The following RTL4 variants were observed in gnomAD, a reference collection of about 807,000 sequenced individuals.
RTL4 encodes retrotransposon Gag like 4.
In RTL4, 4 loss-of-function variants were observed where a neutral mutation model predicts 5.3. That is an observed-to-expected ratio of 0.75 (90% CI 0.37 to 1.72). The LOEUF (loss-of-function observed/expected upper bound fraction) is 1.72. Among genes scored for constraint, RTL4 ranks in the 40% most tolerant of loss-of-function variants. RTL4 has a pLI of 0.04. For missense variants in RTL4, 260 were observed against 227.1 expected, an observed-to-expected ratio of 1.14 and a Z score of -0.93; for synonymous variants, 98 against 87.3, an observed-to-expected ratio of 1.12 and a Z score of -0.68.
At chrX:112,112,510 TG>T in the RTL4 span, among the ~76,000 whole-genome samples, 2 of 112,094 alleles carry the variant, frequency 1.8e-5, no homozygotes, top group African/African-American at 6.5e-5. Flanking sequence ...ATTCATTCCT[TG>T]TTGAGGGCCC....
At chrX:112,130,560 C>T in the RTL4 span, among the ~76,000 whole-genome samples, 13 of 110,050 alleles carry the variant, frequency 1.2e-4, no homozygotes, top group South Asian at 3.8e-4. Flanking sequence ...TGTATGACAT[C>T]GTTAATAATA....
At chrX:112,267,479 C>G in the RTL4 span, among the ~76,000 whole-genome samples, 5 of 112,054 alleles carry the variant, frequency 4.5e-5, no homozygotes, top group Non-Finnish European at 9.4e-5. Context: ...TTTCCTCCCT[C>G]TGTCCTCCAA....
At chrX:112,453,645 G>A (rs976336591), upstream of RTL4, among the ~76,000 whole-genome samples, 1 of 111,663 alleles carries the variant, frequency 9.0e-6, no homozygotes, top group Admixed American at 9.5e-5. Flanking sequence ...GGGCACTTAT[G>A]GTCAAGTCCA....
chrX:112,373,431 G>A, the RTL4 span, among the ~76,000 whole-genome samples: 2 of 110,767 alleles, frequency 1.8e-5, no homozygotes, highest in African/African-American at 3.3e-5. Context: ...TTCTCTAGTC[G>A]CTTGTCAGTT....
the RTL4 span, among the ~76,000 whole-genome samples, chrX:112,405,002 T>G: frequency 8.9e-6 from 1 of 111,935 alleles, no homozygotes; most frequent in African/African-American, 3.2e-5. Context: ...TATATGTGTC[T>G]GCATATGTCA....
chrX:112,416,699 C>T, the RTL4 span, among the ~76,000 whole-genome samples: 1 of 112,075 alleles, frequency 8.9e-6, no homozygotes, highest in Non-Finnish European at 1.9e-5. Context: ...TGCAGATAGG[C>T]TGCAGTATTT....
At chrX:112,139,134 G>T in the RTL4 span, among the ~76,000 whole-genome samples, 842 of 111,116 alleles carry the variant, frequency 7.6e-3, 7 homozygotes, top group African/African-American at 0.026. Context: ...TAGACTGAGC[G>T]TATGGATTTT....
the RTL4 span, among the ~76,000 whole-genome samples, chrX:112,322,035 C>A: frequency 8.9e-6 from 1 of 111,942 alleles, no homozygotes; most frequent in Non-Finnish European, 1.9e-5. Flanking sequence ...CCAGAGTAGA[C>A]TATAATGCTT....
chrX:112,343,466 G>A, the RTL4 span, among the ~76,000 whole-genome samples: 1 of 111,885 alleles, frequency 8.9e-6, no homozygotes, highest in Admixed American at 9.5e-5. Flanking sequence ...TCTGTAGCAC[G>A]CCAGCACCAT....
chrX:112,437,524 CAA>C, the RTL4 span, among the ~76,000 whole-genome samples: 3 of 109,642 alleles, frequency 2.7e-5, no homozygotes, highest in East Asian at 2.9e-4. Context: ...ACTTTGTACC[CAA>C]TATATATATA....
the RTL4 span, among the ~76,000 whole-genome samples, chrX:112,225,426 T>G: frequency 8.9e-6 from 1 of 111,891 alleles, no homozygotes; most frequent in Non-Finnish European, 1.9e-5. Context: ...ATAACCCAAG[T>G]TTTTGCTCCA....
the RTL4 span, among the ~76,000 whole-genome samples, chrX:112,343,962 A>G: frequency 1.8e-5 from 2 of 111,959 alleles, no homozygotes; most frequent in Non-Finnish European, 3.8e-5. Flanking sequence ...CTTGTCCTAA[A>G]TACTGAATAA....
the RTL4 span, among the ~76,000 whole-genome samples, chrX:112,318,714 A>T: frequency 9.0e-6 from 1 of 111,260 alleles, no homozygotes; most frequent in Non-Finnish European, 1.9e-5. Context: ...CATGGTGGAA[A>T]CATTATAGAT....
At chrX:112,449,161 C>A in the RTL4 span, among the ~76,000 whole-genome samples, 2 of 111,767 alleles carry the variant, frequency 1.8e-5, no homozygotes, top group Non-Finnish European at 3.8e-5. Context: ...CCAGCTCTGA[C>A]AGGGATATGG....
At chrX:112,256,882 TAGTTA>T in the RTL4 span, among the ~76,000 whole-genome samples, 2 of 111,999 alleles carry the variant, frequency 1.8e-5, no homozygotes, top group Non-Finnish European at 3.8e-5. Flanking sequence ...AGCAATCTTT[TAGTTA>T]TAAAAGCTTG....
chrX:112,294,439 T>C, the RTL4 span, among the ~76,000 whole-genome samples: 3 of 110,372 alleles, frequency 2.7e-5, no homozygotes, highest in Admixed American at 1.9e-4. Context: ...CTACTAAAAA[T>C]ACAAAAAAAA....
the RTL4 span, among the ~76,000 whole-genome samples, chrX:112,360,790 T>G: frequency 1.8e-5 from 2 of 110,484 alleles, no homozygotes; most frequent in Non-Finnish European, 3.8e-5. Flanking sequence ...TGTATACTTC[T>G]GAAAAAAAAT....
At chrX:112,440,659 C>T in the RTL4 span, among the ~76,000 whole-genome samples, 4 of 111,676 alleles carry the variant, frequency 3.6e-5, no homozygotes, top group South Asian at 3.7e-4. Context: ...TTTGTTAGTC[C>T]TCATCTGTTG....
At chrX:112,189,608 CA>C in the RTL4 span, among the ~76,000 whole-genome samples, 1 of 109,076 alleles carries the variant, frequency 9.2e-6, no homozygotes, top group Non-Finnish European at 1.9e-5. Flanking sequence ...ACTAAAAATA[CA>C]AAAAATTAGC....
Sources: allele counts gnomAD v4.1 joint callset (sites outside exome capture counted in the v4.1 genomes callset), GRCh38; gene constraint gnomAD v4.1.1; transcripts MANE v1.5; gene names NCBI Gene and HGNC (gene_info 2026-07-23, HGNC 2026-07-21).